Variants in MEGF10 observed in about 807,000 individuals in gnomAD.
MEGF10 encodes multiple EGF like domains 10, also known as multiple epidermal growth factor-like domains protein 10.
A neutral mutation model predicts 147.5 loss-of-function variants in MEGF10; 86 were observed. The ratio of observed to expected loss-of-function variants is 0.58; its 90% confidence interval spans 0.49 to 0.70. The LOEUF is 0.70. Among genes scored for constraint, MEGF10 ranks in the 30% least tolerant of loss-of-function variants. MEGF10 has a pLI of 0.00. For synonymous variants in MEGF10, 478 were observed against 525.5 expected (o/e 0.91, Z 1.24); for missense variants, 1,329 against 1,487.3 (o/e 0.89, Z 1.75).
intron 22 of MEGF10, among the ~76,000 whole-genome samples, chr5:127,453,760 T>G (rs563534984): frequency 6.6e-6 from 1 of 152,350 alleles, no homozygotes; most frequent in Non-Finnish European, 1.5e-5. Context: ...ATACACCAGA[T>G]AGTATAAAAT....
intron 5 of MEGF10, among the ~76,000 whole-genome samples, chr5:127,392,960 C>A (rs116703158): frequency 2.6e-5 from 4 of 152,164 alleles, no homozygotes; most frequent in African/African-American, 9.7e-5. Context: ...CCATTTCCGG[C>A]GGTTAGTGCA....
intron 4 of MEGF10, among the ~76,000 whole-genome samples, chr5:127,359,252 G>T (rs147297592): frequency 3.4e-3 from 509 of 151,928 alleles, no homozygotes; most frequent in Non-Finnish European, 4.3e-3. Flanking sequence ...TGAATAGTAT[G>T]TACATAGAGG....
chr5:127,309,309 T>G (rs1561561448), intron 1 of MEGF10, among the ~76,000 whole-genome samples: 1 of 152,218 alleles, frequency 6.6e-6, no homozygotes, highest in Non-Finnish European at 1.5e-5. Flanking sequence ...ACCATACAAT[T>G]CAGCATTTTT....
At chr5:127,298,334 G>T (rs1231581753) in intron 1 of MEGF10, among the ~76,000 whole-genome samples, 1 of 152,088 alleles carries the variant, frequency 6.6e-6, no homozygotes, top group Non-Finnish European at 1.5e-5. Flanking sequence ...CTTCGTCTCA[G>T]GTGTTTTTCC....
intron 1 of MEGF10, among the ~76,000 whole-genome samples, chr5:127,307,235 C>T (rs967178010): frequency 5.9e-5 from 9 of 152,136 alleles, no homozygotes; most frequent in African/African-American, 1.9e-4. Flanking sequence ...TGAAAAAACT[C>T]TTCTGTGCCT....
intron 9 of MEGF10, 113 bp from the exon 10 acceptor site, chr5:127,417,525 T>G: frequency 1.9e-6 from 2 of 1,041,030 alleles, no homozygotes; most frequent in Non-Finnish European, 1.5e-6. Flanking sequence ...TTTGAATTAT[T>G]CTGCATGGAA....
At chr5:127,456,817 G>A (rs1766376933) in intron 24 of MEGF10, among the ~76,000 whole-genome samples, 1 of 152,070 alleles carries the variant, frequency 6.6e-6, no homozygotes, top group Admixed American at 6.6e-5. Flanking sequence ...TAAGGGGCTT[G>A]GCCTACCTTA....
chr5:127,273,623 A>T, the MEGF10 span, among the ~76,000 whole-genome samples: 3 of 152,242 alleles, frequency 2.0e-5, no homozygotes, highest in Non-Finnish European at 4.4e-5. Context: ...AACCATAGCA[A>T]TTGGTGCTGA....
At chr5:127,269,588 G>A in the MEGF10 span, among the ~76,000 whole-genome samples, 1 of 152,224 alleles carries the variant, frequency 6.6e-6, no homozygotes, top group Non-Finnish European at 1.5e-5. Context: ...ATAGGACTAT[G>A]TGAAAAGACC....
the MEGF10 span, among the ~76,000 whole-genome samples, chr5:127,262,822 T>C: frequency 6.6e-5 from 10 of 152,186 alleles, no homozygotes; most frequent in Non-Finnish European, 1.5e-4. Context: ...TTCTCTTAGA[T>C]TGGATCCTTA....
chr5:127,407,151 A>G (rs1288780103), intron 8 of MEGF10, among the ~76,000 whole-genome samples: 4 of 152,196 alleles, frequency 2.6e-5, no homozygotes, highest in Admixed American at 2.0e-4. Flanking sequence ...TGTGTCTAGG[A>G]GCGTGGAGAT....
chr5:127,402,412 A>C, intron 7 of MEGF10, 134 bp from the exon 8 acceptor site: 1 of 937,374 alleles, frequency 1.1e-6, no homozygotes, highest in Non-Finnish European at 1.6e-6. Context: ...TGTGCTCTAA[A>C]ATTCTCTAAT....
At chr5:127,401,813 G>A (rs1392516852) in intron 7 of MEGF10, among the ~76,000 whole-genome samples, 1 of 152,154 alleles carries the variant, frequency 6.6e-6, no homozygotes, top group African/African-American at 2.4e-5. Context: ...TATAATGACT[G>A]TGCTTGACAA....
Position 127,402,043 on chromosome 5 carries a change from G to A in MEGF10, c.781-503G>A, listed in dbSNP as rs537124084. On this transcript the variant is annotated intron_variant, in intron 7 of 24. Coordinates refer to ENST00000503335, the MANE Select transcript of MEGF10 (RefSeq NM_001256545.2). ...CAGGTACACAAAATTTCAATCTTGTGTTATGCTACATTTTAAGAAATAAAG... is the reference window on the plus strand; with the variant it reads ...CAGGTACACAAAATTTCAATCTTGTATTATGCTACATTTTAAGAAATAAAG... Among the ~76,000 whole-genome samples, 15 of 152,294 alleles carry A rather than the reference G, an allele frequency of 9.8e-5. 2 individuals are homozygous for A. The highest frequency in any genetic ancestry group is 3.4e-4 in the African/African-American group (14 of 41,564).
Position 127,434,728 on chromosome 5 carries a change from T to C in MEGF10, c.1882T>C (p.Cys628Arg), listed in dbSNP as rs1251571337. 6.2e-7 allele frequency: 1 copy of C among 1,613,906 alleles called. No homozygotes were observed. Among genetic ancestry groups the C allele is most frequent in the East Asian group, 2.2e-5 (1 of 44,880 alleles). Residue 628 changes from cysteine (C) to arginine (R), a missense_variant, in exon 15 of 25, where the codon TGC (cysteine) becomes CGC (arginine). By Grantham distance (180) the Cys-to-Arg change is radical. This residue lies in a region of MEGF10 where 980 missense variants were observed against 1,085.9 expected (regional missense o/e 0.90). Transcript: ENST00000503335. Reference protein sequence around the residue: ...GFYGHRCSQTCPQCVHSSGPC... With the variant: ...GFYGHRCSQTRPQCVHSSGPC... ...TTATGGGCATCGCTGCAGCCAGACA[T>C]GCCCACAGTGCGTTCACAGCAGCGG...
At chr5:127,334,836 TC>T (rs1434270224) in intron 2 of MEGF10, among the ~76,000 whole-genome samples, 2 of 152,072 alleles carry the variant, frequency 1.3e-5, no homozygotes, top group African/African-American at 2.4e-5. Flanking sequence ...GAATCAGCAG[TC>T]CTGAAGCAAG....
chr5:127,445,568 T>G lies in MEGF10; in HGVS notation c.2603T>G (p.Val868Gly). The change falls in exon 20 of 25, where the codon GTT becomes GGT. Residue 868 changes from valine to glycine, a missense_variant. Physicochemically the swap from Val to Gly is moderately radical, Grantham distance 109. Around this residue, in one of 3 missense-constraint regions of MEGF10, gnomAD observed 343 missense variants for 377.9 expected, o/e 0.91. Coordinates refer to ENST00000503335, the MANE Select transcript of MEGF10 (RefSeq NM_001256545.2). ...AIAGIIILVLVVLFLLALFII... is the reference protein window; with the variant it reads ...AIAGIIILVLGVLFLLALFII... ...GCAGGCATCATCATTCTTGTCCTAG[T>G]TGTTCTCTTCCTACTGGCATTGTTC... is the stretch of plus-strand genomic sequence containing the variant. 3.1e-6 allele frequency: 5 copies of G among 1,614,116 alleles called. No individual in the cohort carries two copies. The highest frequency in any genetic ancestry group is 4.2e-6 in the Non-Finnish European group (5 of 1,179,996).
At chr5:127,328,003 C>T (rs1761107937) in intron 1 of MEGF10, among the ~76,000 whole-genome samples, 1 of 152,108 alleles carries the variant, frequency 6.6e-6, no homozygotes, top group Admixed American at 6.5e-5. Context: ...AGGAGTGAGC[C>T]ACCACGCCTG....
chr5:127,391,106 A>G (rs76947195), intron 5 of MEGF10, among the ~76,000 whole-genome samples: 2,563 of 28,128 alleles, frequency 0.091, 40 homozygotes, highest in Non-Finnish European at 0.14. Context: ...GCGCGCGCAC[A>G]CACACACACA....
Sources: allele counts gnomAD v4.1 joint callset (sites outside exome capture counted in the v4.1 genomes callset), GRCh38; gene constraint gnomAD v4.1.1; regional missense constraint gnomAD v4.1.1; transcripts MANE v1.5; gene names NCBI Gene and HGNC (gene_info 2026-07-23, HGNC 2026-07-21).